The following RAB38 variants were observed in gnomAD, a reference collection of about 807,000 sequenced individuals.
The protein encoded by RAB38 is ras-related protein Rab-38.
Under a neutral mutation model 18.4 loss-of-function variants are expected in RAB38, and 15 were observed. The observed-to-expected ratio is 0.82, with a 90% CI of 0.55 to 1.26. The LOEUF is 1.26. Among genes scored for constraint, RAB38 ranks in the 50% most tolerant of loss-of-function variants. The pLI is 0.00. For synonymous variants in RAB38, 101 were observed against 104.4 expected (o/e 0.97, Z 0.20); for missense variants, 294 against 267.4 (o/e 1.10, Z -0.69).
chr11:88,175,262 T>G lies in RAB38; in HGVS notation c.123A>C (p.Thr41=), dbSNP rs1232157695. Residue 41 remains threonine (T), a synonymous_variant, in exon 1 of 3, where the codon ACA becomes ACC. Transcript: ENST00000243662. ...CCTTGAGCGCGAAGTCCACGCCGAT[T>G]GTGGCCCGGTAGTGCGAAGAGAAGT... ...HQNFSSHYRA[T]IGVDFALKVL... is the part of the protein sequence containing the mutation. 6.2e-7 allele frequency: 1 copy of G among 1,614,152 alleles called. No homozygotes were observed. Among genetic ancestry groups the G allele is most frequent in the Non-Finnish European group, 8.5e-7 (1 of 1,180,030 alleles).
chr11:88,056,088 C>G, the RAB38 span, among the ~76,000 whole-genome samples: 2 of 152,006 alleles, frequency 1.3e-5, no homozygotes, highest in East Asian at 1.9e-4. Flanking sequence ...ATTTTTAGCT[C>G]TCCTCTGGAT....
chr11:88,042,973 C>A, the RAB38 span, among the ~76,000 whole-genome samples: 1 of 152,090 alleles, frequency 6.6e-6, no homozygotes, highest in African/African-American at 2.4e-5. Context: ...ACCTGAAACA[C>A]CCCTAATATA....
the RAB38 span, among the ~76,000 whole-genome samples, chr11:87,977,626 G>T: frequency 2.6e-5 from 3 of 115,236 alleles, no homozygotes; most frequent in South Asian, 2.6e-4. Flanking sequence ...TTATGTAATT[G>T]TATATTATAT....
the RAB38 span, among the ~76,000 whole-genome samples, chr11:87,806,495 C>A: frequency 6.6e-6 from 1 of 152,150 alleles, no homozygotes; most frequent in Non-Finnish European, 1.5e-5. Context: ...AATACTGTTA[C>A]ATTGGGAATA....
chr11:88,056,451 C>A, the RAB38 span, among the ~76,000 whole-genome samples: 2 of 152,102 alleles, frequency 1.3e-5, no homozygotes, highest in African/African-American at 4.8e-5. Context: ...TCTTCGGGAA[C>A]TAAATGCAGT....
At chr11:87,853,129 A>G in the RAB38 span, among the ~76,000 whole-genome samples, 30 of 152,324 alleles carry the variant, frequency 2.0e-4, no homozygotes, top group Non-Finnish European at 3.5e-4. Context: ...GGATATGGTC[A>G]GCGACGTCTG....
At chr11:87,856,670 T>C in the RAB38 span, among the ~76,000 whole-genome samples, 3 of 152,122 alleles carry the variant, frequency 2.0e-5, no homozygotes, top group African/African-American at 7.2e-5. Context: ...CACTAGAGCG[T>C]AGCTTGAGAA....
the RAB38 span, among the ~76,000 whole-genome samples, chr11:87,888,017 AT>A: frequency 2.0e-5 from 3 of 151,280 alleles, no homozygotes; most frequent in Admixed American, 1.3e-4. Context: ...TTTCCTGAAG[AT>A]TTTTTTTTCC....
rs185780179 is a variant in RAB38, at chr11:88,121,945, G to A, written c.484-7805C>T. Among the ~76,000 whole-genome samples, 9 of 152,292 alleles carry A rather than the reference G, an allele frequency of 5.9e-5. No individual in the cohort carries two copies. In the East Asian group the frequency reaches 1.5e-3, roughly 26 times the overall value. On this transcript the variant is annotated intron_variant, in intron 2 of 2. Coordinates refer to ENST00000243662, the MANE Select transcript of RAB38 (RefSeq NM_022337.3). ...CATGTTTTCTAAGTTTTTGGCTACT[G>A]CTTCTTTCTAAATCGCAAAAGTTAC...
the RAB38 span, among the ~76,000 whole-genome samples, chr11:87,895,268 G>A: frequency 0.079 from 11,955 of 151,668 alleles, 647 homozygotes; most frequent in Middle Eastern, 0.13. Flanking sequence ...ACAGATGATG[G>A]GGAAAATAAA....
At chr11:88,140,958 C>A (rs1942904542) in intron 2 of RAB38, among the ~76,000 whole-genome samples, 1 of 151,972 alleles carries the variant, frequency 6.6e-6, no homozygotes, top group Non-Finnish European at 1.5e-5. Context: ...TGAGTGATAT[C>A]CAAGTAGAGA....
chr11:87,920,506 G>A, the RAB38 span, among the ~76,000 whole-genome samples: 1 of 151,956 alleles, frequency 6.6e-6, no homozygotes, highest in African/African-American at 2.4e-5. Flanking sequence ...AAAGATACTT[G>A]ATATGATTTC....
At chr11:87,818,847 C>T in the RAB38 span, among the ~76,000 whole-genome samples, 1 of 152,110 alleles carries the variant, frequency 6.6e-6, no homozygotes, top group South Asian at 2.1e-4. Context: ...ATTATCTGCT[C>T]ATATCAACTG....
the RAB38 span, among the ~76,000 whole-genome samples, chr11:87,938,555 G>T: frequency 6.6e-6 from 1 of 151,156 alleles, no homozygotes; most frequent in Non-Finnish European, 1.5e-5. Context: ...CCATTAGGTT[G>T]CAGTAGAGGG....
At chr11:87,879,776 C>A in the RAB38 span, 1 of 151,682 alleles carries the variant, frequency 6.6e-6, no homozygotes, top group Non-Finnish European at 1.5e-5. Context: ...TATTGTGAGA[C>A]CTTGAGCGAG....
At chr11:87,938,584 T>A in the RAB38 span, among the ~76,000 whole-genome samples, 1 of 151,742 alleles carries the variant, frequency 6.6e-6, no homozygotes, top group Non-Finnish European at 1.5e-5. Context: ...TTGAAAGGTT[T>A]TTTTTTCTTT....
At chr11:88,167,659 CAGT>C (rs1943261170) in intron 1 of RAB38, 1 of 152,072 alleles carries the variant, frequency 6.6e-6, no homozygotes, top group South Asian at 2.1e-4. Flanking sequence ...AAGGAGAGAA[CAGT>C]AGAAGTTAAA....
chr11:88,045,920 C>T, the RAB38 span, among the ~76,000 whole-genome samples: 1 of 152,130 alleles, frequency 6.6e-6, no homozygotes, highest in Non-Finnish European at 1.5e-5. Flanking sequence ...TTTTAGTTAT[C>T]TCCACCTGCC....
At chr11:88,124,776 T>G (rs997411813) in intron 2 of RAB38, among the ~76,000 whole-genome samples, 1 of 152,186 alleles carries the variant, frequency 6.6e-6, no homozygotes, top group Non-Finnish European at 1.5e-5. Context: ...AATTGAAAAT[T>G]AAAAAGAGGA....
Sources: allele counts gnomAD v4.1 joint callset (sites outside exome capture counted in the v4.1 genomes callset), GRCh38; gene constraint gnomAD v4.1.1; transcripts MANE v1.5; gene names NCBI Gene and HGNC (gene_info 2026-07-23, HGNC 2026-07-21).